Variants in SLIT2 observed in about 807,000 individuals in gnomAD.
SLIT2 encodes the protein slit homolog 2 protein.
SLIT2 carries 41 observed loss-of-function variants against 185.7 expected under a neutral mutation model. The observed-to-expected ratio is 0.22, with a 90% CI of 0.17 to 0.29. The LOEUF (loss-of-function observed/expected upper bound fraction) is 0.29, where lower values mean the gene tolerates loss of function less well. SLIT2 is among the 10% of genes least tolerant of loss of function. The probability of loss-of-function intolerance (pLI) is 1.00; values close to 1 mark genes in which losing one functional copy is unlikely to be tolerated. For missense variants in SLIT2, 1,571 were observed against 1,909.0 expected (o/e 0.82, Z 3.30); for synonymous variants, 693 against 680.2 (o/e 1.02, Z -0.29).
intron 4 of SLIT2, among the ~76,000 whole-genome samples, chr4:20,457,626 C>T (rs765100218): frequency 6.6e-6 from 1 of 152,056 alleles, no homozygotes; most frequent in Non-Finnish European, 1.5e-5. Flanking sequence ...TCTATATTTT[C>T]TTAGTGATTT....
intron 4 of SLIT2, among the ~76,000 whole-genome samples, chr4:20,417,480 A>C (rs1727786536): frequency 6.9e-6 from 1 of 144,782 alleles, no homozygotes; most frequent in Non-Finnish European, 1.5e-5. Context: ...GTGTGTGTAC[A>C]TATACGTATA....
rs571986646 is a variant in SLIT2, at chr4:20,440,579, A to T, written c.396-27173A>T. On this transcript the variant is annotated intron_variant, in intron 4 of 36. Coordinates refer to ENST00000504154, the MANE Select transcript of SLIT2 (RefSeq NM_004787.4). ...ACGGCAATAGAAAACAACGCAATGA[A>T]TAAAAATGGGACAGCTCCAAATTTG... Among the ~76,000 whole-genome samples, 687 of 152,350 alleles carry T rather than the reference A, an allele frequency of 4.5e-3. 6 individuals carry two copies. The highest frequency in any genetic ancestry group is 6.8e-3 in the Middle Eastern group (2 of 294).
At chr4:20,576,867 T>C (rs1577958138) in intron 29 of SLIT2, among the ~76,000 whole-genome samples, 1 of 152,198 alleles carries the variant, frequency 6.6e-6, no homozygotes, top group East Asian at 1.9e-4. Flanking sequence ...AGTTAAATAT[T>C]TTCTGAAGTT....
chr4:20,336,892 G>T (rs971587324), intron 4 of SLIT2, among the ~76,000 whole-genome samples: 2 of 152,124 alleles, frequency 1.3e-5, no homozygotes, highest in Non-Finnish European at 2.9e-5. Flanking sequence ...TTGACACCAT[G>T]TGGGAATTCC....
At chr4:20,414,561 T>C (rs1164168330) in intron 4 of SLIT2, among the ~76,000 whole-genome samples, 1 of 152,172 alleles carries the variant, frequency 6.6e-6, no homozygotes, top group Non-Finnish European at 1.5e-5. Flanking sequence ...TTTTTAAAAA[T>C]TTTTTTGTTT....
intron 29 of SLIT2, among the ~76,000 whole-genome samples, chr4:20,584,491 A>G (rs1357568715): frequency 6.6e-6 from 1 of 152,242 alleles, no homozygotes; most frequent in African/African-American, 2.4e-5. Flanking sequence ...TTACGTTGGG[A>G]CAACGGGTAT....
Position 20,484,232 on chromosome 4 carries a change from C to T in SLIT2, c.540-1968C>T, listed in dbSNP as rs946734447. ...ATGCTATATACTATAAAGATTTTAG[C>T]CATATTAAGTCAGCATAAATTTTGA... On this transcript the variant is annotated intron_variant, in intron 6 of 36. Coordinates refer to ENST00000504154, the MANE Select transcript of SLIT2 (RefSeq NM_004787.4). This position sits in a 1 kb window ranked among gnomAD's most constrained non-coding sequence, Gnocchi z 4.3. 7.9e-5 allele frequency among the ~76,000 whole-genome samples: 12 copies of T among 151,974 alleles called. No individual in the cohort carries two copies. The highest frequency in any genetic ancestry group is 1.6e-4 in the Non-Finnish European group (11 of 67,986).
intron 3 of SLIT2, among the ~76,000 whole-genome samples, chr4:20,262,494 C>G (rs1712584276): frequency 6.6e-6 from 1 of 151,848 alleles, no homozygotes; most frequent in African/African-American, 2.4e-5. Context: ...CAACACATAA[C>G]ACATACCTTT....
intron 5 of SLIT2, among the ~76,000 whole-genome samples, chr4:20,472,454 ATATATC>A (rs1221623258): frequency 2.1e-5 from 1 of 46,756 alleles, no homozygotes; most frequent in Non-Finnish European, 3.7e-5. Flanking sequence ...ATCTATATAG[ATATATC>A]TATATCTATA....
intron 4 of SLIT2, among the ~76,000 whole-genome samples, chr4:20,429,460 G>A (rs1316200172): frequency 6.6e-6 from 1 of 152,140 alleles, no homozygotes; most frequent in Non-Finnish European, 1.5e-5. Flanking sequence ...CATAAATGAA[G>A]CAACAAGTTT....
chr4:20,268,971 G>A, intron 4 of SLIT2, 90 bp downstream of exon 4: 1 of 822,596 alleles, frequency 1.2e-6, no homozygotes, highest in Non-Finnish European at 2.1e-6. Context: ...TGCTTTCCTG[G>A]AATCTGTTCA....
intron 5 of SLIT2, among the ~76,000 whole-genome samples, chr4:20,474,127 G>A (rs563529664): frequency 9.9e-5 from 15 of 152,092 alleles, no homozygotes; most frequent in East Asian, 3.9e-4. Flanking sequence ...AGAACCTTCT[G>A]AACAAACCTG....
intron 4 of SLIT2, among the ~76,000 whole-genome samples, chr4:20,372,151 G>A (rs915922468): frequency 6.6e-6 from 1 of 152,076 alleles, no homozygotes; most frequent in Non-Finnish European, 1.5e-5. Context: ...TATGCCAGTT[G>A]TTTTTGAAGC....
chr4:20,573,134 C>T, intron 29 of SLIT2: 1 of 691,668 alleles, frequency 1.4e-6, no homozygotes, highest in Non-Finnish European at 2.7e-6. Flanking sequence ...TCGCCCACCC[C>T]TGCTTCTCTG....
chr4:20,478,657 G>A (rs562684072), intron 5 of SLIT2, among the ~76,000 whole-genome samples: 36 of 152,136 alleles, frequency 2.4e-4, no homozygotes, highest in Non-Finnish European at 5.0e-4. Flanking sequence ...AGATTAACCT[G>A]GAGACTGCAT....
intron 11 of SLIT2, among the ~76,000 whole-genome samples, chr4:20,518,557 G>GTATGTATATATATA (rs1553916592): frequency 5.6e-5 from 1 of 17,862 alleles, no homozygotes; most frequent in African/African-American, 2.2e-4. Context: ...CAGCCTATAT[G>GTATGTATATATATA]TATATATATA....
chr4:20,504,183 T>C (rs867361033), intron 9 of SLIT2, among the ~76,000 whole-genome samples: 1 of 152,266 alleles, frequency 6.6e-6, no homozygotes, highest in African/African-American at 2.4e-5. Context: ...AGGAATATTG[T>C]CTTCCTCCTT....
chr4:20,569,594 C>T (rs1016606955), intron 29 of SLIT2, among the ~76,000 whole-genome samples: 3 of 152,056 alleles, frequency 2.0e-5, no homozygotes, highest in Non-Finnish European at 4.4e-5. Flanking sequence ...AACCAATTTG[C>T]TCTAAAGTCA....
intron 4 of SLIT2, among the ~76,000 whole-genome samples, chr4:20,408,795 CAG>C (rs1189608920): frequency 2.6e-5 from 4 of 152,100 alleles, no homozygotes; most frequent in Non-Finnish European, 5.9e-5. Context: ...TGGAACAGAA[CAG>C]AGTTTGCATC....
Sources: allele counts gnomAD v4.1 joint callset (sites outside exome capture counted in the v4.1 genomes callset), GRCh38; gene constraint gnomAD v4.1.1; non-coding constraint Gnocchi (gnomAD v3.1); transcripts MANE v1.5; gene names NCBI Gene and HGNC (gene_info 2026-07-23, HGNC 2026-07-21).